RALYL: variants seen among roughly 807,000 people sequenced by gnomAD.
The protein encoded by RALYL is RNA-binding Raly-like protein.
In RALYL, 29 loss-of-function variants were observed where a neutral mutation model predicts 35.1. The ratio of observed to expected loss-of-function variants is 0.83; its 90% CI spans 0.61 to 1.13. The LOEUF (loss-of-function observed/expected upper bound fraction) is 1.13. Among genes scored for constraint, RALYL ranks in the 50% most tolerant of loss-of-function variants. RALYL has a pLI of 0.00. For missense variants in RALYL, 359 were observed against 360.4 expected (o/e 1.00, Z 0.03); for synonymous variants, 120 against 127.6 (o/e 0.94, Z 0.40).
At chr8:84,553,449 C>T (rs1439141069) in intron 2 of RALYL, among the ~76,000 whole-genome samples, 3 of 152,078 alleles carry the variant, frequency 2.0e-5, no homozygotes, top group Admixed American at 6.6e-5. Context: ...GAGCCACTGT[C>T]CCCAGCCAAG....
chr8:84,820,174 A>G (rs1000146981), intron 4 of RALYL, among the ~76,000 whole-genome samples: 2 of 152,198 alleles, frequency 1.3e-5, no homozygotes, highest in Admixed American at 6.5e-5. Flanking sequence ...TCTCTAAATA[A>G]TCTAACTGTA....
chr8:84,433,833 A>G lies in RALYL; in HGVS notation c.-23-95466A>G, dbSNP rs71502632. 5.1e-4 allele frequency among the ~76,000 whole-genome samples: 56 copies of G among 109,930 alleles called. 2 individuals carry two copies. The South Asian group carries it at 5.7e-3, about 11-fold the overall frequency. 72.1% of individuals were successfully genotyped at this position (109,930 alleles called of 152,430 possible). On this transcript the variant is annotated intron_variant, in intron 1 of 8. Coordinates refer to ENST00000521268, the MANE Select transcript of RALYL (RefSeq NM_173848.7). ...TGTGTGCGTGTGTGTGTGTGTGTGT[A>G]TGTGTGTGTGTATATATATATATAT...
chr8:84,871,347 T>A (rs897011662), intron 6 of RALYL, among the ~76,000 whole-genome samples: 1 of 152,178 alleles, frequency 6.6e-6, no homozygotes, highest in Non-Finnish European at 1.5e-5. Flanking sequence ...AAATTAAAAT[T>A]AGTCAACTGC....
At chr8:84,811,392 C>CTGA (rs1012274530) in intron 4 of RALYL, among the ~76,000 whole-genome samples, 1 of 152,176 alleles carries the variant, frequency 6.6e-6, no homozygotes, top group Non-Finnish European at 1.5e-5. Context: ...TGCTGTTAAT[C>CTGA]TGATAGGTTT....
intron 2 of RALYL, among the ~76,000 whole-genome samples, chr8:84,716,513 A>T (rs1408680788): frequency 1.3e-5 from 2 of 152,168 alleles, no homozygotes; most frequent in Non-Finnish European, 2.9e-5. Context: ...CTTGCATTGT[A>T]TAAGTGGTCG....
At chr8:84,655,152 T>C (rs1451862414) in intron 2 of RALYL, among the ~76,000 whole-genome samples, 3 of 152,184 alleles carry the variant, frequency 2.0e-5, no homozygotes, top group African/African-American at 7.2e-5. Flanking sequence ...AGTGAGACAA[T>C]ATCTCATTGT....
At chr8:84,718,720 G>T (rs1040866815) in intron 2 of RALYL, among the ~76,000 whole-genome samples, 25 of 151,764 alleles carry the variant, frequency 1.6e-4, no homozygotes, top group African/African-American at 5.8e-4. Context: ...AGCCGAGATC[G>T]CACCACTGCA....
Position 84,487,108 on chromosome 8 carries a change from A to G in RALYL, c.-23-42191A>G, listed in dbSNP as rs186201624. Reference sequence around the variant, plus strand: ...TTGATTATATAATGAAGTTGTCTGAATTAGCATTCATATAGAATACAGTGC... The same window carrying G: ...TTGATTATATAATGAAGTTGTCTGAGTTAGCATTCATATAGAATACAGTGC... On this transcript the variant is annotated intron_variant, in intron 1 of 8. Coordinates refer to ENST00000521268, the MANE Select transcript of RALYL (RefSeq NM_173848.7). Among the ~76,000 whole-genome samples, 100 of 152,248 alleles carry G rather than the reference A, an allele frequency of 6.6e-4. 1 individual carries two copies. Among genetic ancestry groups the G allele is most frequent in the Admixed American group, 4.7e-3 (72 of 15,250 alleles).
intron 2 of RALYL, among the ~76,000 whole-genome samples, chr8:84,583,485 C>T (rs1440059133): frequency 2.0e-5 from 3 of 152,104 alleles, no homozygotes; most frequent in African/African-American, 7.2e-5. Flanking sequence ...GTTCCTAATA[C>T]ATTAAACTTA....
intron 2 of RALYL, among the ~76,000 whole-genome samples, chr8:84,723,757 A>G (rs745406440): frequency 1.3e-5 from 2 of 151,890 alleles, no homozygotes; most frequent in Non-Finnish European, 2.9e-5. Context: ...TTTAACATCA[A>G]TCTTTAAGTA....
At chr8:84,282,047 T>C (rs1836682293) in intron 1 of RALYL, among the ~76,000 whole-genome samples, 1 of 152,118 alleles carries the variant, frequency 6.6e-6, no homozygotes, top group African/African-American at 2.4e-5. Context: ...AAATAGTACA[T>C]GATAGTCTCT....
rs1056224752 is a variant in RALYL, at chr8:84,721,053, C to T, written c.257-53526C>T. 4.0e-5 allele frequency among the ~76,000 whole-genome samples: 6 copies of T among 151,882 alleles called. No homozygotes were observed. The South Asian group carries it at 8.3e-4, about 21-fold the overall frequency. ...AAACTAGTACAGCCACAATGGAAAA[C>T]AGTATGAAGATTCCTTTTGAGACTA... On this transcript the variant is annotated intron_variant, in intron 2 of 8. Transcript: ENST00000521268.
chr8:84,505,649 T>C (rs761265227), intron 1 of RALYL, among the ~76,000 whole-genome samples: 32 of 151,738 alleles, frequency 2.1e-4, no homozygotes, highest in Non-Finnish European at 4.0e-4. Context: ...GTATGAATGA[T>C]TCCATCACCC....
chr8:84,869,873 T>C (rs1481089992), intron 6 of RALYL, among the ~76,000 whole-genome samples: 1 of 152,196 alleles, frequency 6.6e-6, no homozygotes, highest in Admixed American at 6.6e-5. Flanking sequence ...GTGTGCCTAA[T>C]ATTCTTTTTG....
At chr8:84,315,241 T>C (rs1482244103) in intron 1 of RALYL, among the ~76,000 whole-genome samples, 4 of 152,200 alleles carry the variant, frequency 2.6e-5, no homozygotes, top group African/African-American at 4.8e-5. Flanking sequence ...AAGTGAACAC[T>C]GATTAAATAA....
At chr8:84,353,794 T>A (rs963288258) in intron 1 of RALYL, among the ~76,000 whole-genome samples, 3 of 150,410 alleles carry the variant, frequency 2.0e-5, no homozygotes, top group Non-Finnish European at 4.4e-5. Flanking sequence ...CTGAGTAATT[T>A]TTTACTTATA....
chr8:84,772,578 C>T (rs139155418), intron 2 of RALYL, among the ~76,000 whole-genome samples: 296 of 151,890 alleles, frequency 1.9e-3, no homozygotes, highest in Non-Finnish European at 3.2e-3. Context: ...CCCCTTAATA[C>T]TTTGTCTTTT....
At chr8:84,891,813 G>T (rs180844597) in intron 8 of RALYL, among the ~76,000 whole-genome samples, 1 of 152,188 alleles carries the variant, frequency 6.6e-6, no homozygotes, top group African/African-American at 2.4e-5. Flanking sequence ...ACCATCCTTG[G>T]TTCCCAAAAA....
intron 1 of RALYL, among the ~76,000 whole-genome samples, chr8:84,229,904 G>A (rs559640619): frequency 0.017 from 2,518 of 152,244 alleles, 34 homozygotes; most frequent in South Asian, 0.047. Context: ...TTGAAATATA[G>A]GATAAGAAGA....
Sources: allele counts gnomAD v4.1 joint callset (sites outside exome capture counted in the v4.1 genomes callset), GRCh38; gene constraint gnomAD v4.1.1; transcripts MANE v1.5; gene names NCBI Gene and HGNC (gene_info 2026-07-23, HGNC 2026-07-21).